USPL1: variants seen among roughly 807,000 people sequenced by gnomAD.
USPL1 encodes ubiquitin specific peptidase like 1, also known as SUMO-specific isopeptidase USPL1.
USPL1 carries 27 observed loss-of-function variants against 51.5 expected under a neutral mutation model. The ratio of observed to expected loss-of-function variants is 0.52; its 90% CI spans 0.39 to 0.72. The LOEUF (loss-of-function observed/expected upper bound fraction) is 0.72. USPL1 is among the 30% of genes least tolerant of loss of function. The probability of loss-of-function intolerance (pLI) is 0.00; values close to 1 mark genes in which losing one functional copy is unlikely to be tolerated. For missense variants in USPL1, 1,226 were observed against 1,268.0 expected (o/e 0.97, Z 0.50); for synonymous variants, 451 against 459.6 (o/e 0.98, Z 0.24).
chr13:30,642,613 CT>C lies in USPL1; in HGVS notation c.983-11del, dbSNP rs1481204336. Reference sequence around the variant, plus strand: ...TATTGATTATGAGCAGTAATTCTTCCTTTTCTTTTTGAAGGTGATATGGAAA... The same window carrying C: ...TATTGATTATGAGCAGTAATTCTTCCTTTCTTTTTGAAGGTGATATGGAAA... On this transcript the variant is annotated splice_polypyrimidine_tract_variant and intron_variant, in intron 5 of 8. Coordinates refer to ENST00000255304, the MANE Select transcript of USPL1 (RefSeq NM_005800.5). 1 of 1,596,482 alleles carries C rather than the reference CT, an allele frequency of 6.3e-7. No homozygotes were observed. The highest frequency in any genetic ancestry group is 8.5e-7 in the Non-Finnish European group (1 of 1,175,088).
At chr13:30,645,977 AG>A (rs1951012661) in intron 6 of USPL1, among the ~76,000 whole-genome samples, 1 of 152,258 alleles carries the variant, frequency 6.6e-6, no homozygotes, top group African/African-American at 2.4e-5. Context: ...ACTAAACAGT[AG>A]GAGCCTTTAC....
chr13:30,655,420 T>G (rs1405623073), intron 8 of USPL1, among the ~76,000 whole-genome samples: 1 of 152,226 alleles, frequency 6.6e-6, no homozygotes. Flanking sequence ...GAAAGGTCTC[T>G]TTCTCCTTTC....
intron 4 of USPL1, among the ~76,000 whole-genome samples, chr13:30,636,652 T>C (rs910543673): frequency 1.3e-5 from 2 of 152,240 alleles, no homozygotes; most frequent in East Asian, 3.8e-4. Context: ...AACATAGATA[T>C]GTGTGCCCAA....
chr13:30,637,892 C>CA (rs775991098), intron 5 of USPL1, 35 bp downstream of exon 5: 2 of 1,410,412 alleles, frequency 1.4e-6, no homozygotes, highest in Admixed American at 3.4e-5. Flanking sequence ...GTATTATACT[C>CA]ATCTACCATA....
chr13:30,635,810 C>T (rs1428281005), intron 4 of USPL1, among the ~76,000 whole-genome samples: 2 of 152,084 alleles, frequency 1.3e-5, no homozygotes, highest in Admixed American at 6.6e-5. Context: ...TGAATTAACA[C>T]CAGGACAAAT....
chr13:30,640,578 T>G (rs1241005341), intron 5 of USPL1, among the ~76,000 whole-genome samples: 1 of 152,086 alleles, frequency 6.6e-6, no homozygotes, highest in Non-Finnish European at 1.5e-5. Context: ...TAATCCCAGC[T>G]ACTCGGGAGG....
intron 1 of USPL1, among the ~76,000 whole-genome samples, chr13:30,620,083 T>C (rs183787318): frequency 9.8e-5 from 15 of 152,372 alleles, no homozygotes; most frequent in Admixed American, 7.2e-4. Flanking sequence ...GCCGATACTT[T>C]CTTTAAAAAG....
chr13:30,647,638 A>G lies in USPL1; in HGVS notation c.1238+581A>G, dbSNP rs548058590. Among the ~76,000 whole-genome samples, 3 of 152,282 alleles carry G rather than the reference A, an allele frequency of 2.0e-5. No individual in the cohort carries two copies. The South Asian group carries it at 6.2e-4, about 32-fold the overall frequency. ...CTGTTTAAACTCACAGGTCAGTTCC[A>G]TCTCAGGCCGTTTCCCTCTGTCTCA... On this transcript the variant is annotated intron_variant, in intron 7 of 8. Coordinates refer to ENST00000255304, the MANE Select transcript of USPL1 (RefSeq NM_005800.5).
intron 3 of USPL1, among the ~76,000 whole-genome samples, chr13:30,626,571 T>C (rs997801997): frequency 6.6e-6 from 1 of 152,158 alleles, no homozygotes; most frequent in African/African-American, 2.4e-5. Context: ...ACTTTGCTGA[T>C]CCCTGTATAA....
At chr13:30,645,545 A>G (rs1331674905) in intron 6 of USPL1, among the ~76,000 whole-genome samples, 2 of 152,236 alleles carry the variant, frequency 1.3e-5, no homozygotes, top group African/African-American at 4.8e-5. Flanking sequence ...TAAAAATAAA[A>G]GTAGTTATAG....
In USPL1 at chr13:30,657,641, G is replaced by A. The variant is rs17609459; in HGVS notation, c.1564G>A (p.Ala522Thr). 7.6e-5 allele frequency: 122 copies of A among 1,614,160 alleles called. No individual in the cohort carries two copies. In the East Asian group the frequency reaches 1.7e-3, roughly 22 times the overall value. ...ACTTAAAAAGACTAATGACCAACAC[G>A]CTCTCAGTAATGAGAAACCAGTATC... ...LPLKKTNDQH[A>T]LSNEKPVSLT... Residue 522 changes from alanine to threonine, a missense_variant, in exon 9 of 9, where the codon GCT becomes ACT. Ala to Thr is a moderately conservative substitution (Grantham distance 58). Transcript: ENST00000255304.
intron 3 of USPL1, 85 bp from the exon 4 acceptor site, chr13:30,630,750 T>A: frequency 1.5e-6 from 2 of 1,362,430 alleles, no homozygotes; most frequent in Non-Finnish European, 2.0e-6. Context: ...TAACATTCTA[T>A]ACATGTTTTT....
chr13:30,651,179 G>T (rs1160015511), intron 7 of USPL1, among the ~76,000 whole-genome samples: 1 of 152,184 alleles, frequency 6.6e-6, no homozygotes, highest in Non-Finnish European at 1.5e-5. Flanking sequence ...TCTTGTGGCA[G>T]TAAGGCTAGT....
intron 7 of USPL1, among the ~76,000 whole-genome samples, chr13:30,651,155 G>T (rs1951087585): frequency 6.6e-6 from 1 of 152,132 alleles, no homozygotes; most frequent in African/African-American, 2.4e-5. Flanking sequence ...GGATAGCTTT[G>T]GTGTACTGGT....
chr13:30,651,246 T>C (rs1217541911), intron 7 of USPL1, among the ~76,000 whole-genome samples: 2 of 152,208 alleles, frequency 1.3e-5, no homozygotes, highest in East Asian at 3.8e-4. Context: ...GTTGTCTCTT[T>C]TTTGCTGGTT....
At chr13:30,626,109 A>G (rs2137616908) in intron 3 of USPL1, among the ~76,000 whole-genome samples, 1 of 152,316 alleles carries the variant, frequency 6.6e-6, no homozygotes. Flanking sequence ...TGAGGTCAGG[A>G]GTTCGAGACC....
At chr13:30,640,898 G>T (rs1331914485) in intron 5 of USPL1, among the ~76,000 whole-genome samples, 1 of 152,138 alleles carries the variant, frequency 6.6e-6, no homozygotes, top group Non-Finnish European at 1.5e-5. Context: ...TGATTACCTT[G>T]GATGATCATA....
At chr13:30,638,075 T>A (rs566888437) in intron 5 of USPL1, among the ~76,000 whole-genome samples, 1 of 152,154 alleles carries the variant, frequency 6.6e-6, no homozygotes, top group South Asian at 2.1e-4. Context: ...CTCTTGAGAG[T>A]GGGTGCAGTT....
intron 7 of USPL1, among the ~76,000 whole-genome samples, chr13:30,649,321 T>G (rs1010074747): frequency 1.3e-5 from 2 of 152,262 alleles, no homozygotes; most frequent in Non-Finnish European, 2.9e-5. Flanking sequence ...CTTGATTTGT[T>G]TGTGTCTAAT....
Sources: gnomAD v4.1 joint callset for allele counts (sites outside exome capture counted in the v4.1 genomes callset) on GRCh38, gnomAD v4.1.1 for gene constraint, MANE v1.5 for transcripts, NCBI Gene and HGNC (gene_info 2026-07-23, HGNC 2026-07-21) for gene names.